Variants in SLC8A3 observed in about 807,000 individuals in gnomAD.
SLC8A3 encodes the protein solute carrier family 8 member A3.
In SLC8A3, 37 loss-of-function variants were observed where a neutral mutation model predicts 65.4. That is an observed-to-expected ratio of 0.57 (90% CI 0.44 to 0.74). The LOEUF (loss-of-function observed/expected upper bound fraction) is 0.74, where lower values mean the gene tolerates loss of function less well. Ranked by LOEUF, SLC8A3 falls within the 30% of genes least tolerant of loss-of-function variation. SLC8A3 has a pLI of 0.00. For synonymous variants in SLC8A3, 461 were observed against 444.5 expected, an observed-to-expected ratio of 1.04 and a Z score of -0.47; for missense variants, 1,112 against 1,172.1, an observed-to-expected ratio of 0.95 and a Z score of 0.75.
At position 70,049,062 on chromosome 14, in the gene SLC8A3, G is replaced by A. The variant is rs61977411; in HGVS notation, c.2114-20C>T. The A allele has an allele frequency of 0.1, 159,151 of 1,585,978 alleles. 8,963 individuals carry two copies. The highest frequency in any genetic ancestry group is 0.11 in the Non-Finnish European group (133,674 of 1,163,170). On this transcript the variant is annotated intron_variant, in intron 5 of 6. Transcript: ENST00000356921. ...CCCCTGCTGAAGGCAAGATAAACAGGCAAGAGAACGGGTAACGAAGTCAGA... is the reference window on the plus strand; with the variant it reads ...CCCCTGCTGAAGGCAAGATAAACAGACAAGAGAACGGGTAACGAAGTCAGA...
Position 70,117,907 on chromosome 14 carries a change from C to T in SLC8A3, c.1784+48732G>A, listed in dbSNP as rs140329221. On this transcript the variant is annotated intron_variant, in intron 2 of 6. Coordinates refer to ENST00000356921, the MANE Select transcript of SLC8A3 (RefSeq NM_182932.3). The stretch of plus-strand genomic sequence containing the variant: ...TAATCCTAAACCTGCTTACTCTGCC[C>T]CTCCCATTCTTTGCCACTGAATCCA... Among the ~76,000 whole-genome samples, 1,342 of 152,302 alleles carry T rather than the reference C, an allele frequency of 8.8e-3. 6 individuals are homozygous for T. The highest frequency in any genetic ancestry group is 0.012 in the Non-Finnish European group (836 of 68,026).
At chr14:70,141,154 A>G (rs8020582) in intron 2 of SLC8A3, among the ~76,000 whole-genome samples, 40,411 of 151,970 alleles carry the variant, frequency 0.27, 5,965 homozygotes, top group East Asian at 0.5. Flanking sequence ...TCTCTCACAG[A>G]CTCCTTCCAT....
chr14:70,159,410 CAA>C (rs5809471), intron 2 of SLC8A3, among the ~76,000 whole-genome samples: 89 of 133,678 alleles, frequency 6.7e-4, no homozygotes, highest in Non-Finnish European at 9.0e-4. Flanking sequence ...AAGACTCTGT[CAA>C]AAAAAAAAAA....
At chr14:70,186,609 C>T (rs1030257266) in intron 1 of SLC8A3, among the ~76,000 whole-genome samples, 1 of 152,196 alleles carries the variant, frequency 6.6e-6, no homozygotes, top group Non-Finnish European at 1.5e-5. Flanking sequence ...CCTCTCAACC[C>T]AGTATCTACA....
At chr14:70,170,741 T>C (rs752481375) in intron 1 of SLC8A3, among the ~76,000 whole-genome samples, 6 of 152,184 alleles carry the variant, frequency 3.9e-5, no homozygotes, top group Non-Finnish European at 7.4e-5. Flanking sequence ...GTGCATATTG[T>C]CCCCATGAAG....
chr14:70,156,919 G>T (rs931333150), intron 2 of SLC8A3, among the ~76,000 whole-genome samples: 25 of 152,212 alleles, frequency 1.6e-4, no homozygotes, highest in African/African-American at 5.5e-4. Flanking sequence ...ACCTGAAAAC[G>T]ACGGAAGATT....
chr14:70,047,810 C>G (rs1430459734), intron 6 of SLC8A3: 1 of 152,250 alleles, frequency 6.6e-6, no homozygotes, highest in Non-Finnish European at 1.5e-5. Flanking sequence ...CCCAAAGCCC[C>G]TAACTGAATT....
At chr14:70,100,940 C>A (rs1035122883) in intron 2 of SLC8A3, among the ~76,000 whole-genome samples, 1 of 152,186 alleles carries the variant, frequency 6.6e-6, no homozygotes, top group African/African-American at 2.4e-5. Context: ...TTTTGTGAGG[C>A]TCAGAGGAGC....
chr14:70,049,213 C>T (rs557764924), intron 5 of SLC8A3, among the ~76,000 whole-genome samples, 171 bp from the exon 6 acceptor site: 3 of 152,178 alleles, frequency 2.0e-5, no homozygotes, highest in African/African-American at 4.8e-5. Context: ...AGTGGGGAAA[C>T]AATTTGGGCT....
At chr14:70,146,933 A>G (rs928045832) in intron 2 of SLC8A3, among the ~76,000 whole-genome samples, 3 of 152,348 alleles carry the variant, frequency 2.0e-5, no homozygotes, top group Admixed American at 1.3e-4. Context: ...CAACGTATAT[A>G]TTAAATAAAG....
Position 70,046,650 on chromosome 14 carries a change from A to C in SLC8A3, c.2390-327T>G. 4.1e-6 allele frequency: 1 copy of C among 246,490 alleles called. No homozygotes were observed. 15.3% of individuals were successfully genotyped at this position (246,490 alleles called of 1,614,324 possible). ...TAAGGGAAGTTTGCCATCCCATAAT[A>C]TCTCCCCAGGGAACCTTGACACCCT... On this transcript the variant is annotated intron_variant, in intron 6 of 6. Coordinates refer to ENST00000356921, the MANE Select transcript of SLC8A3 (RefSeq NM_182932.3). This position sits in a 1 kb window ranked among gnomAD's most constrained non-coding sequence, Gnocchi z 4.2.
chr14:70,154,347 A>G (rs1034087033), intron 2 of SLC8A3, among the ~76,000 whole-genome samples: 1 of 152,264 alleles, frequency 6.6e-6, no homozygotes, highest in Non-Finnish European at 1.5e-5. Flanking sequence ...AAAAGTGCAC[A>G]AAGTGTAAAG....
In SLC8A3 at chr14:70,130,214, C is replaced by T. The variant is rs146842551; in HGVS notation, c.1784+36425G>A. 5.0e-3 allele frequency among the ~76,000 whole-genome samples: 761 copies of T among 152,324 alleles called. 6 individuals are homozygous for T. Among genetic ancestry groups the T allele is most frequent in the African/African-American group, 0.017 (716 of 41,580 alleles). The stretch of plus-strand genomic sequence containing the variant: ...ACATTTGCATGTTAGTTACTGAGCC[C>T]GCCTATGCATGCATTTTAGAAGAGA... On this transcript the variant is annotated intron_variant, in intron 2 of 6. Coordinates refer to ENST00000356921, the MANE Select transcript of SLC8A3 (RefSeq NM_182932.3).
intron 2 of SLC8A3, among the ~76,000 whole-genome samples, chr14:70,087,144 A>C (rs1891498236): frequency 6.6e-6 from 1 of 152,244 alleles, no homozygotes; most frequent in African/African-American, 2.4e-5. Flanking sequence ...ACAATTGCCC[A>C]AAGGGAAAAA....
chr14:70,164,537 T>C (rs1691865629), intron 2 of SLC8A3, among the ~76,000 whole-genome samples: 1 of 152,206 alleles, frequency 6.6e-6, no homozygotes, highest in Non-Finnish European at 1.5e-5. Context: ...GAGGCTCATT[T>C]GCACCAAGAT....
At chr14:70,139,340 T>C (rs1037448737) in intron 2 of SLC8A3, among the ~76,000 whole-genome samples, 1 of 152,178 alleles carries the variant, frequency 6.6e-6, no homozygotes, top group Admixed American at 6.5e-5. Flanking sequence ...GGGGTACCTC[T>C]AAAAAGAGGA....
chr14:70,075,650 T>C (rs1350336065), intron 2 of SLC8A3, among the ~76,000 whole-genome samples: 1 of 152,180 alleles, frequency 6.6e-6, no homozygotes, highest in Non-Finnish European at 1.5e-5. Flanking sequence ...CCTCTTGCAA[T>C]AACCACCTAA....
chr14:70,172,127 G>T (rs942381188), intron 1 of SLC8A3, among the ~76,000 whole-genome samples: 8 of 152,066 alleles, frequency 5.3e-5, no homozygotes, highest in African/African-American at 1.9e-4. Flanking sequence ...CATACTCAGA[G>T]ATATGACTCA....
chr14:70,088,945 C>T (rs1370500059), intron 2 of SLC8A3, among the ~76,000 whole-genome samples: 1 of 152,114 alleles, frequency 6.6e-6, no homozygotes, highest in East Asian at 1.9e-4. Flanking sequence ...CATATATTGG[C>T]CACCATCACC....
Sources: allele counts gnomAD v4.1 joint callset (sites outside exome capture counted in the v4.1 genomes callset), GRCh38; gene constraint gnomAD v4.1.1; non-coding constraint Gnocchi (gnomAD v3.1); transcripts MANE v1.5; gene names NCBI Gene and HGNC (gene_info 2026-07-23, HGNC 2026-07-21).